JAZF1: variants seen among roughly 807,000 people sequenced by gnomAD.
JAZF1 encodes JAZF zinc finger 1.
JAZF1 carries 8 observed loss-of-function variants against 26.4 expected under a neutral mutation model. The observed-to-expected ratio is 0.30, with a 90% CI of 0.18 to 0.55. The LOEUF (loss-of-function observed/expected upper bound fraction) is 0.55, where lower values mean the gene tolerates loss of function less well. Ranked by LOEUF, JAZF1 falls within the 20% of genes least tolerant of loss-of-function variation. The pLI is 0.94. For synonymous variants in JAZF1, 126 were observed against 122.3 expected, an observed-to-expected ratio of 1.03 and a Z score of -0.20; for missense variants, 199 against 322.0, an observed-to-expected ratio of 0.62 and a Z score of 2.92.
At chr7:28,159,972 A>C (rs1783256317) in intron 1 of JAZF1, among the ~76,000 whole-genome samples, 1 of 152,192 alleles carries the variant, frequency 6.6e-6, no homozygotes, top group Non-Finnish European at 1.5e-5. Context: ...GATAGTTTAA[A>C]AATGGCTACT....
chr7:28,099,270 T>C (rs572067631), intron 1 of JAZF1, among the ~76,000 whole-genome samples: 1 of 152,342 alleles, frequency 6.6e-6, no homozygotes, highest in East Asian at 1.9e-4. Flanking sequence ...ATTTGATACT[T>C]ATTTCTTAAA....
intron 2 of JAZF1, among the ~76,000 whole-genome samples, chr7:27,966,057 A>G (rs890069721): frequency 1.3e-5 from 2 of 152,260 alleles, no homozygotes; most frequent in Non-Finnish European, 2.9e-5. Context: ...ATTGCAGAAT[A>G]TGGTAATGTA....
chr7:28,033,884 A>G (rs975073920), intron 1 of JAZF1, among the ~76,000 whole-genome samples: 4 of 152,132 alleles, frequency 2.6e-5, no homozygotes, highest in Non-Finnish European at 5.9e-5. Flanking sequence ...ACTGGATTAC[A>G]GGCACCGCCA....
chr7:28,125,983 C>T (rs1782686007), intron 1 of JAZF1, among the ~76,000 whole-genome samples: 1 of 152,034 alleles, frequency 6.6e-6, no homozygotes, highest in Non-Finnish European at 1.5e-5. Context: ...GTGACTCCAC[C>T]GGAATGGGAT....
intron 2 of JAZF1, among the ~76,000 whole-genome samples, chr7:27,990,779 C>G (rs759685200): frequency 6.6e-6 from 1 of 152,006 alleles, no homozygotes; most frequent in Non-Finnish European, 1.5e-5. Flanking sequence ...TGTAAGAAAC[C>G]CAGAAAAGTG....
chr7:28,041,887 A>T (rs1278016930), intron 1 of JAZF1, among the ~76,000 whole-genome samples: 1 of 152,182 alleles, frequency 6.6e-6, no homozygotes, highest in Non-Finnish European at 1.5e-5. Flanking sequence ...ACTTTCAAAG[A>T]ATGGCTCCTT....
chr7:28,058,405 T>C (rs537266859), intron 1 of JAZF1, among the ~76,000 whole-genome samples: 1 of 152,296 alleles, frequency 6.6e-6, no homozygotes, highest in East Asian at 1.9e-4. Flanking sequence ...CCTCTATTTC[T>C]GTTCATCATC....
At chr7:27,966,369 C>A (rs12671866) in intron 2 of JAZF1, among the ~76,000 whole-genome samples, 29,457 of 152,132 alleles carry the variant, frequency 0.19, 3,477 homozygotes, top group East Asian at 0.46. Context: ...AGAAATGAAA[C>A]CTTGGTTTGT....
intron 1 of JAZF1, among the ~76,000 whole-genome samples, chr7:28,029,301 G>A (rs1229872947): frequency 1.3e-5 from 2 of 152,194 alleles, no homozygotes; most frequent in South Asian, 2.1e-4. Flanking sequence ...AACTTAGGCA[G>A]AAGCTTATGA....
chr7:27,888,642 C>T (rs934251690), intron 3 of JAZF1, among the ~76,000 whole-genome samples: 4 of 152,098 alleles, frequency 2.6e-5, no homozygotes, highest in African/African-American at 7.2e-5. Context: ...TTTTCAATAA[C>T]TTTATAATCT....
At chr7:28,148,899 C>T (rs1287823078) in intron 1 of JAZF1, among the ~76,000 whole-genome samples, 2 of 152,140 alleles carry the variant, frequency 1.3e-5, no homozygotes, top group South Asian at 2.1e-4. Flanking sequence ...AACCTCCTTG[C>T]GGTTTACGCA....
intron 3 of JAZF1, chr7:27,843,602 C>T (rs546355447): frequency 1.3e-5 from 2 of 152,348 alleles, no homozygotes; most frequent in South Asian, 4.1e-4. Flanking sequence ...CTAGAAAAAA[C>T]ACAAGAGAGA....
chr7:27,893,318 CTG>C (rs1784004742), intron 3 of JAZF1, among the ~76,000 whole-genome samples: 1 of 152,230 alleles, frequency 6.6e-6, no homozygotes, highest in Non-Finnish European at 1.5e-5. Context: ...AATACGTAAA[CTG>C]TCAGAGAAGA....
In JAZF1 at chr7:28,092,290, C is replaced by CCAAAAAAAAAAAAAAAAAAAAAAAAAAA. The variant is rs1784310777; in HGVS notation, c.115+88172_115+88173insTTTTTTTTTTTTTTTTTTTTTTTTTTTG. Among the ~76,000 whole-genome samples, 19 of 12,786 alleles carry CCAAAAAAAAAAAAAAAAAAAAAAAAAAA rather than the reference C, an allele frequency of 1.5e-3. 2 individuals carry two copies. Among genetic ancestry groups the CCAAAAAAAAAAAAAAAAAAAAAAAAAAA allele is most frequent in the African/African-American group, 3.7e-3 (17 of 4,638 alleles). 8.4% of individuals were successfully genotyped at this position (12,786 alleles called of 152,430 possible). On this transcript the variant is annotated intron_variant, in intron 1 of 4. Transcript: ENST00000283928. ...AACATCCCATTTCAGGGACAAAAGGCAAAAAAAAAAAAAAAAAAAAAAAAA... is the reference window on the plus strand; with the variant it reads ...AACATCCCATTTCAGGGACAAAAGGCCAAAAAAAAAAAAAAAAAAAAAAAAAAAAAAAAAAAAAAAAAAAAAAAAAAAA...
At chr7:28,170,337 A>ATGTATG (rs1783438048) in intron 1 of JAZF1, among the ~76,000 whole-genome samples, 1 of 98,482 alleles carries the variant, frequency 1.0e-5, no homozygotes. Flanking sequence ...AGAAGTTGAT[A>ATGTATG]TGTGTGTGTG....
intron 1 of JAZF1, among the ~76,000 whole-genome samples, chr7:28,103,863 C>G (rs1186576886): frequency 6.6e-6 from 1 of 152,194 alleles, no homozygotes; most frequent in Non-Finnish European, 1.5e-5. Context: ...CAGCCAGAGT[C>G]ACACTATGAA....
intron 2 of JAZF1, among the ~76,000 whole-genome samples, chr7:27,907,343 T>C (rs1376869376): frequency 3.9e-5 from 6 of 152,194 alleles, no homozygotes; most frequent in Admixed American, 6.5e-5. Flanking sequence ...AGTTGTGGTA[T>C]TTCCATGGGT....
At position 27,831,000 on chromosome 7, in the gene JAZF1, AT is replaced by A. The variant is rs1562754606; in HGVS notation, c.*1799del. The A allele has an allele frequency of 5.9e-5, 13 of 218,988 alleles. No individual in the cohort carries two copies. The highest frequency in any genetic ancestry group is 1.3e-4 in the East Asian group (2 of 14,818). The allele number at this position is 218,988 out of a possible 1,614,324, so 13.6% of individuals were successfully genotyped here. On this transcript the variant is annotated 3_prime_UTR_variant, in exon 5 of 5. Transcript: ENST00000283928. ...TAAATAATAATTGCTGGCCTAAAAA[AT>A]TTTTTTTGGTCAATTGTAGGTAGAT... is the stretch of plus-strand genomic sequence containing the variant.
chr7:27,858,646 A>C (rs1402115999), intron 3 of JAZF1, among the ~76,000 whole-genome samples: 1 of 152,246 alleles, frequency 6.6e-6, no homozygotes, highest in Non-Finnish European at 1.5e-5. Flanking sequence ...TTCCCTATTT[A>C]ATAAATGCTG....
Sources: gnomAD v4.1 joint callset for allele counts (sites outside exome capture counted in the v4.1 genomes callset) on GRCh38, gnomAD v4.1.1 for gene constraint, MANE v1.5 for transcripts, NCBI Gene and HGNC (gene_info 2026-07-23, HGNC 2026-07-21) for gene names.